HSD17B3: variants seen among roughly 807,000 people sequenced by gnomAD.
The protein encoded by HSD17B3 is 17-beta-hydroxysteroid dehydrogenase type 3.
In HSD17B3, 29 loss-of-function variants were observed where a neutral mutation model predicts 41.1. The observed-to-expected ratio is 0.71, with a 90% CI of 0.53 to 0.96. HSD17B3 has a LOEUF of 0.96. Among genes scored for constraint, HSD17B3 ranks in the 40% least tolerant of loss-of-function variants. HSD17B3 has a pLI of 0.00. For synonymous variants in HSD17B3, 126 were observed against 145.6 expected, an observed-to-expected ratio of 0.87 and a Z score of 0.97; for missense variants, 323 against 374.6, an observed-to-expected ratio of 0.86 and a Z score of 1.14.
chr9:96,243,783 C>T (rs529873113), intron 9 of HSD17B3, among the ~76,000 whole-genome samples: 1 of 152,150 alleles, frequency 6.6e-6, no homozygotes, highest in Non-Finnish European at 1.5e-5. Flanking sequence ...TCCACGATGA[C>T]CTGTGGAAGG....
intron 2 of HSD17B3, among the ~76,000 whole-genome samples, chr9:96,260,600 A>T (rs983723107): frequency 6.6e-6 from 1 of 151,972 alleles, no homozygotes; most frequent in Admixed American, 6.6e-5. Context: ...TCTCTACTTT[A>T]AAAAAATACA....
chr9:96,241,973 G>GAAAGAAAGAAAA (rs1836463623), intron 9 of HSD17B3, among the ~76,000 whole-genome samples: 1 of 109,600 alleles, frequency 9.1e-6, no homozygotes, highest in African/African-American at 3.8e-5. Context: ...AAGAAAGAAA[G>GAAAGAAAGAAAA]AAAGAAAGAA....
intron 8 of HSD17B3, among the ~76,000 whole-genome samples, chr9:96,244,830 G>C (rs1007658527): frequency 2.6e-5 from 4 of 152,054 alleles, no homozygotes; most frequent in African/African-American, 9.7e-5. Context: ...GGCAGAAAGA[G>C]GGTAAGGGAA....
At chr9:96,253,881 A>G (rs1444674862) in intron 3 of HSD17B3, among the ~76,000 whole-genome samples, 1 of 152,074 alleles carries the variant, frequency 6.6e-6, no homozygotes, top group African/African-American at 2.4e-5. Flanking sequence ...ACACAGAACA[A>G]AAGCAGAATT....
intron 2 of HSD17B3, among the ~76,000 whole-genome samples, chr9:96,262,015 T>G (rs1825878496): frequency 6.6e-6 from 1 of 152,108 alleles, no homozygotes; most frequent in Non-Finnish European, 1.5e-5. Flanking sequence ...CCAAAGGACT[T>G]TGTTTCTCCT....
At chr9:96,284,964 G>A (rs541191069) in intron 2 of HSD17B3, among the ~76,000 whole-genome samples, 6 of 150,886 alleles carry the variant, frequency 4.0e-5, no homozygotes, top group Non-Finnish European at 7.4e-5. Context: ...TCAGCCTCCC[G>A]AGTAGCTGGG....
chr9:96,299,844 C>G (rs8190492), intron 1 of HSD17B3, among the ~76,000 whole-genome samples: 4,763 of 152,060 alleles, frequency 0.031, 161 homozygotes, highest in African/African-American at 0.075. Context: ...CTAGTTCTTG[C>G]GTTTCTTTTT....
chr9:96,237,664 G>A (rs1836284960), intron 10 of HSD17B3, among the ~76,000 whole-genome samples: 1 of 152,156 alleles, frequency 6.6e-6, no homozygotes, highest in East Asian at 1.9e-4. Context: ...TAGATACAAT[G>A]ATCTTTCTAA....
chr9:96,261,209 T>TCTGCTGCCAAGGGCTAGGA (rs59580445), intron 2 of HSD17B3, among the ~76,000 whole-genome samples: 120,427 of 151,462 alleles, frequency 0.8, 48,043 homozygotes, highest in African/African-American at 0.83. Flanking sequence ...GATGGAGCCT[T>TCTGCTGCCAAGGGCTAGGA]CTGCTGCCAA....
chr9:96,283,059 G>A (rs2130779860), intron 2 of HSD17B3, among the ~76,000 whole-genome samples: 1 of 129,764 alleles, frequency 7.7e-6, no homozygotes, highest in South Asian at 2.5e-4. Flanking sequence ...AGGCTAGAGT[G>A]CAGTGGTGCA....
intron 2 of HSD17B3, among the ~76,000 whole-genome samples, chr9:96,286,497 C>T (rs1474090283): frequency 4.0e-5 from 6 of 151,866 alleles, no homozygotes; most frequent in South Asian, 2.1e-4. Context: ...AATACCAACC[C>T]GGCCAATATG....
intron 1 of HSD17B3, among the ~76,000 whole-genome samples, chr9:96,299,670 C>T (rs1242467738): frequency 1.8e-4 from 28 of 152,204 alleles, no homozygotes; most frequent in Non-Finnish European, 1.0e-4. Flanking sequence ...GGAAAAAGTT[C>T]GTAACTTGAT....
Position 96,302,153 on chromosome 9 carries a change from T to G in HSD17B3, c.-49A>C, listed in dbSNP as rs376457868. 47 of 1,599,836 alleles carry G rather than the reference T, an allele frequency of 2.9e-5. No individual in the cohort carries two copies. The highest frequency in any genetic ancestry group is 3.8e-5 in the Non-Finnish European group (44 of 1,171,684). On this transcript the variant is annotated 5_prime_UTR_variant, in exon 1 of 11. Transcript: ENST00000375263. ...AGCCCTGGCCGTGGCTCTCTGTGTA[T>G]GCCTCCTGGGACCACGCTGCTCTGG...
chr9:96,298,326 T>C, intron 2 of HSD17B3, 90 bp downstream of exon 2: 2 of 1,018,442 alleles, frequency 2.0e-6, no homozygotes, highest in Non-Finnish European at 3.1e-6. Flanking sequence ...ATACTGCTTT[T>C]ATATTCAAAA....
intron 2 of HSD17B3, among the ~76,000 whole-genome samples, chr9:96,276,317 A>G (rs1564051613): frequency 6.6e-6 from 1 of 152,160 alleles, no homozygotes; most frequent in East Asian, 1.9e-4. Flanking sequence ...TACTGTTTAA[A>G]TGTGCATACT....
intron 2 of HSD17B3, among the ~76,000 whole-genome samples, chr9:96,258,789 C>T (rs574328429): frequency 6.6e-6 from 1 of 152,164 alleles, no homozygotes; most frequent in African/African-American, 2.4e-5. Flanking sequence ...ATATAGTCTT[C>T]TAAACATTTA....
chr9:96,264,191 A>G (rs1825962884), intron 2 of HSD17B3, among the ~76,000 whole-genome samples: 1 of 152,212 alleles, frequency 6.6e-6, no homozygotes, highest in Non-Finnish European at 1.5e-5. Flanking sequence ...TAAAAAGACT[A>G]GTTCTACCTA....
chr9:96,251,270 A>AAG (rs1836891797), intron 5 of HSD17B3, 148 bp downstream of exon 5: 1 of 664,732 alleles, frequency 1.5e-6, no homozygotes, highest in Non-Finnish European at 2.7e-6. Flanking sequence ...TGCTAAGGTG[A>AAG]AGAGGAAAGG....
intron 5 of HSD17B3, chr9:96,251,130 T>G: frequency 2.1e-6 from 1 of 466,022 alleles, no homozygotes. Context: ...GAATTACCCT[T>G]TATAAAGTAG....
Sources: allele counts gnomAD v4.1 joint callset (sites outside exome capture counted in the v4.1 genomes callset), GRCh38; gene constraint gnomAD v4.1.1; transcripts MANE v1.5; gene names NCBI Gene and HGNC (gene_info 2026-07-23, HGNC 2026-07-21).